ABCA13: variants seen among roughly 807,000 people sequenced by gnomAD.
The protein encoded by ABCA13 is ATP binding cassette subfamily A member 13.
Under a neutral mutation model 478.7 loss-of-function variants are expected in ABCA13, and 476 were observed. The ratio of observed to expected loss-of-function variants is 0.99; its 90% CI spans 0.92 to 1.07. ABCA13 has a LOEUF of 1.07. Among genes scored for constraint, ABCA13 ranks in the 50% least tolerant of loss-of-function variants. The probability of loss-of-function intolerance (pLI) is 0.00; values close to 1 mark genes in which losing one functional copy is unlikely to be tolerated. For missense variants in ABCA13, 6,060 were observed against 5,910.6 expected (o/e 1.03, Z -0.83); for synonymous variants, 2,252 against 2,158.9 (o/e 1.04, Z -1.20).
rs184917676 is a variant in ABCA13, at chr7:48,557,732, G to A, written c.14355-22492G>A. 1.1e-4 allele frequency among the ~76,000 whole-genome samples: 17 copies of A among 152,042 alleles called. 1 individual carries two copies. The highest frequency in any genetic ancestry group is 2.0e-4 in the Admixed American group (3 of 15,266). On this transcript the variant is annotated intron_variant, in intron 55 of 61. Transcript: ENST00000435803. The stretch of plus-strand genomic sequence containing the variant: ...ATTTGTTTGGTGCAAAAGTAATCAC[G>A]GTTTTTGACATTAAAAGTAATTACT...
rs1796350331 is a variant in ABCA13 at position 48,276,682 on chromosome 7, C to G, written c.6899+117C>G. On this transcript the variant is annotated intron_variant, in intron 17 of 61. Coordinates refer to ENST00000435803, the MANE Select transcript of ABCA13 (RefSeq NM_152701.5). ...TTTGTATCTAATACCTTTGAAAGAT[C>G]TTTGATGTAAATTTGTCTTAATAAA... The G allele has an allele frequency of 1.3e-5, 10 of 780,372 alleles. No homozygotes were observed. In the South Asian group the frequency reaches 2.2e-4, roughly 17 times the overall value. 48.3% of individuals were successfully genotyped at this position (780,372 alleles called of 1,614,324 possible). A position where few individuals can be genotyped will look rare whatever the true frequency, so the allele number is the denominator to read the frequency against.
chr7:48,372,948 G>A (rs927451491), intron 33 of ABCA13, among the ~76,000 whole-genome samples: 2 of 152,026 alleles, frequency 1.3e-5, no homozygotes, highest in Non-Finnish European at 1.5e-5. Context: ...TCCTAAAAAC[G>A]TATGATAACA....
intron 41 of ABCA13, among the ~76,000 whole-genome samples, chr7:48,417,742 G>A (rs1021116840): frequency 6.6e-6 from 1 of 152,082 alleles, no homozygotes; most frequent in African/African-American, 2.4e-5. Flanking sequence ...CATGGGTTTG[G>A]ATGAGTATAT....
chr7:48,262,285 G>T (rs1312687223), intron 15 of ABCA13, among the ~76,000 whole-genome samples: 1 of 151,856 alleles, frequency 6.6e-6, no homozygotes, highest in African/African-American at 2.4e-5. Flanking sequence ...ACATAGGAGA[G>T]GAGTGGATGC....
Position 48,355,941 on chromosome 7 carries a change from G to A in ABCA13, c.10688+3454G>A, listed in dbSNP as rs551442783. Reference sequence around the variant, plus strand: ...GATCTATTAATTTAGGAGTCTCCCCGATTTTGATGGCATTTAGAACTCTAA... The same window carrying A: ...GATCTATTAATTTAGGAGTCTCCCCAATTTTGATGGCATTTAGAACTCTAA... On this transcript the variant is annotated intron_variant, in intron 31 of 61. Coordinates refer to ENST00000435803, the MANE Select transcript of ABCA13 (RefSeq NM_152701.5). Among the ~76,000 whole-genome samples the A allele has an allele frequency of 7.2e-5, 11 of 151,728 alleles. 2 individuals are homozygous for A. The highest frequency in any genetic ancestry group is 1.7e-4 in the African/African-American group (7 of 41,034).
At chr7:48,349,758 G>A (rs1808661660) in intron 29 of ABCA13, among the ~76,000 whole-genome samples, 1 of 152,228 alleles carries the variant, frequency 6.6e-6, no homozygotes, top group Admixed American at 6.5e-5. Flanking sequence ...TAGGCTCCAA[G>A]CTTCGATGGA....
At chr7:48,568,417 CAAAT>C (rs1335746474) in intron 55 of ABCA13, among the ~76,000 whole-genome samples, 1 of 151,962 alleles carries the variant, frequency 6.6e-6, no homozygotes, top group African/African-American at 2.4e-5. Flanking sequence ...GTAGAATCAA[CAAAT>C]AATTAATTTT....
intron 10 of ABCA13, among the ~76,000 whole-genome samples, 186 bp downstream of exon 10, chr7:48,241,252 TCTGGATGC>T (rs149197558): frequency 0.014 from 2,162 of 152,318 alleles, 22 homozygotes; most frequent in Middle Eastern, 0.054. Flanking sequence ...TTGGCAGCAC[TCTGGATGC>T]CTATTCAGAG....
intron 57 of ABCA13, among the ~76,000 whole-genome samples, chr7:48,592,490 C>T (rs1286792380): frequency 3.3e-5 from 5 of 151,704 alleles, no homozygotes; most frequent in Admixed American, 2.6e-4. Context: ...GTTTTGTGGC[C>T]TAATATATGG....
intron 50 of ABCA13, among the ~76,000 whole-genome samples, chr7:48,510,653 T>A (rs968591360): frequency 6.6e-6 from 1 of 152,162 alleles, no homozygotes; most frequent in African/African-American, 2.4e-5. Context: ...AAGTCTGAGA[T>A]CAAGGTGTTG....
intron 41 of ABCA13, among the ~76,000 whole-genome samples, chr7:48,419,346 C>T (rs1563224646): frequency 6.6e-6 from 1 of 152,120 alleles, no homozygotes; most frequent in African/African-American, 2.4e-5. Flanking sequence ...ATTCATATTC[C>T]TTTTGGAAAT....
At position 48,345,516 on chromosome 7, in the gene ABCA13, A is replaced by G. The variant is rs28885229; in HGVS notation, c.10205-5127A>G. 9.2e-4 allele frequency among the ~76,000 whole-genome samples: 36 copies of G among 39,206 alleles called. No homozygotes were observed. In the East Asian group the frequency reaches 0.033, roughly 36 times the overall value. 25.7% of individuals were successfully genotyped at this position (39,206 alleles called of 152,430 possible). On this transcript the variant is annotated intron_variant, in intron 29 of 61. Transcript: ENST00000435803. ...GTGTGGTTTTGTGAGTTAGTTTTTA[A>G]CAAAAAATTTAAAAAGAAAGAAAAA...
At chr7:48,332,157 C>T (rs1805511102) in intron 27 of ABCA13, among the ~76,000 whole-genome samples, 1 of 152,180 alleles carries the variant, frequency 6.6e-6, no homozygotes, top group African/African-American at 2.4e-5. Context: ...TGTGGGACAT[C>T]TGGGTTGTTT....
At chr7:48,288,667 T>C (rs1166963896) in intron 20 of ABCA13, among the ~76,000 whole-genome samples, 1 of 152,124 alleles carries the variant, frequency 6.6e-6, no homozygotes. Context: ...AGTTAGTTTT[T>C]AAATATTTAC....
At chr7:48,364,890 G>C (rs758030386) in intron 31 of ABCA13, among the ~76,000 whole-genome samples, 1 of 152,020 alleles carries the variant, frequency 6.6e-6, no homozygotes, top group Non-Finnish European at 1.5e-5. Flanking sequence ...ATATCTCTTC[G>C]ATATACTGAT....
At chr7:48,570,418 A>T (rs1427929467) in intron 55 of ABCA13, among the ~76,000 whole-genome samples, 2 of 126,946 alleles carry the variant, frequency 1.6e-5, no homozygotes, top group African/African-American at 6.1e-5. Context: ...TCTGCCTCCC[A>T]GGTTTACACC....
At position 48,359,268 on chromosome 7, in the gene ABCA13, C is replaced by T. The variant is rs145403245; in HGVS notation, c.10688+6781C>T. On this transcript the variant is annotated intron_variant, in intron 31 of 61. Transcript: ENST00000435803. Reference sequence around the variant, plus strand: ...AGCTTCAAATCTGAGAAAGTTCCTCCACCTACTGATGCAGAAGGTCAATCT... The same window carrying T: ...AGCTTCAAATCTGAGAAAGTTCCTCTACCTACTGATGCAGAAGGTCAATCT... Among the ~76,000 whole-genome samples, 88 of 151,994 alleles carry T rather than the reference C, an allele frequency of 5.8e-4. 1 individual carries two copies. The highest frequency in any genetic ancestry group is 2.0e-3 in the African/African-American group (84 of 41,298).
At chr7:48,479,540 T>G (rs1225928926) in intron 45 of ABCA13, among the ~76,000 whole-genome samples, 1 of 152,184 alleles carries the variant, frequency 6.6e-6, no homozygotes, top group African/African-American at 2.4e-5. Context: ...ACTGGCTCTT[T>G]TAGCAATTTT....
In ABCA13 at chr7:48,278,501, A is replaced by G. The variant is rs17132206; in HGVS notation, c.7307A>G (p.Lys2436Arg). 14,784 of 1,613,934 alleles carry G rather than the reference A, an allele frequency of 9.2e-3. 126 individuals carry two copies. Among genetic ancestry groups the G allele is most frequent in the Middle Eastern group, 0.056 (342 of 6,062 alleles). Reference protein sequence around the residue: ...LLDTILHSPNKDFYALYPTLQ... With the variant: ...LLDTILHSPNRDFYALYPTLQ... ...GATACAATTTTACACTCTCCTAATA[A>G]GGACTTCTATGCTTTGTATCCTACC... Residue 2436 changes from lysine to arginine, a missense_variant, in exon 18 of 62, where the codon AAG becomes AGG. Physicochemically the swap from Lys to Arg is conservative, Grantham distance 26. Transcript: ENST00000435803.
Sources: gnomAD v4.1 joint callset for allele counts (sites outside exome capture counted in the v4.1 genomes callset) on GRCh38, gnomAD v4.1.1 for gene constraint, MANE v1.5 for transcripts, NCBI Gene and HGNC (gene_info 2026-07-23, HGNC 2026-07-21) for gene names.